Variants in CYP3A5 observed in about 807,000 individuals in gnomAD.
The protein encoded by CYP3A5 is cytochrome P450 3A5.
A neutral mutation model predicts 55.9 loss-of-function variants in CYP3A5; 51 were observed. The observed-to-expected ratio is 0.91, with a 90% CI of 0.73 to 1.15. The LOEUF is 1.15. Ranked by LOEUF, CYP3A5 falls within the 50% of genes most tolerant of loss-of-function variation. The pLI is 0.00. For synonymous variants in CYP3A5, 196 were observed against 213.9 expected, an observed-to-expected ratio of 0.92 and a Z score of 0.73; for missense variants, 533 against 596.6, an observed-to-expected ratio of 0.89 and a Z score of 1.11.
rs1808934078 is a variant in CYP3A5, at chr7:99,649,359, C to T, written c.1413+714G>A. Among the ~76,000 whole-genome samples the T allele has an allele frequency of 3.3e-5, 5 of 152,320 alleles. No individual in the cohort carries two copies. In the South Asian group the frequency reaches 1.0e-3, roughly 32 times the overall value. ...AAATACACCGGTCCTGGAAATAAGACTTATAGGCTATTGCTTAATATGAAT... is the reference window on the plus strand; with the variant it reads ...AAATACACCGGTCCTGGAAATAAGATTTATAGGCTATTGCTTAATATGAAT... On this transcript the variant is annotated intron_variant, in intron 12 of 12. Transcript: ENST00000222982.
intron 11 of CYP3A5, among the ~76,000 whole-genome samples, chr7:99,651,376 A>G (rs1351815773): frequency 6.6e-6 from 1 of 152,232 alleles, no homozygotes; most frequent in Non-Finnish European, 1.5e-5. Context: ...AGTTCCTGAC[A>G]CATGGCAAGC....
In CYP3A5 at chr7:99,670,591, G is replaced by A. The variant is rs114408598; in HGVS notation, c.318+1989C>T. Among the ~76,000 whole-genome samples, 715 of 152,258 alleles carry A rather than the reference G, an allele frequency of 4.7e-3. 2 individuals are homozygous for A. The highest frequency in any genetic ancestry group is 0.016 in the African/African-American group (682 of 41,550). Reference sequence around the variant, plus strand: ...GCAATTTTGAAATGGAATGCCTAGAGCTGCAATCTGATGTTCAACTTATAG... The same window carrying A: ...GCAATTTTGAAATGGAATGCCTAGAACTGCAATCTGATGTTCAACTTATAG... On this transcript the variant is annotated intron_variant, in intron 4 of 12. Coordinates refer to ENST00000222982, the MANE Select transcript of CYP3A5 (RefSeq NM_000777.5).
chr7:99,650,300 TCTTA>T (rs1364724582), intron 11 of CYP3A5, 68 bp from the exon 12 acceptor site: 2 of 1,507,320 alleles, frequency 1.3e-6, no homozygotes, highest in African/African-American at 2.8e-5. Flanking sequence ...TGTTAGGGGT[TCTTA>T]CTTAAGAACA....
intron 10 of CYP3A5, 34 bp downstream of exon 10, chr7:99,660,465 C>G (rs1413728684): frequency 1.9e-6 from 3 of 1,569,440 alleles, no homozygotes; most frequent in Non-Finnish European, 2.6e-6. Context: ...AAGGCTTCAC[C>G]TCTTCCCTTC....
At position 99,652,780 on chromosome 7, in the gene CYP3A5, C is replaced by G. The variant is rs767785315; in HGVS notation, c.1027-1G>C. On this transcript the variant is annotated splice_acceptor_variant, in intron 10 of 12. Transcript: ENST00000222982. LOFTEE classifies it high-confidence loss of function. The stretch of plus-strand genomic sequence containing the variant: ...CCACGGCATCATAGGTAGGTGGTGC[C>G]TGGAAGGAAAGAAACAGAATTGGAT... 6.2e-7 allele frequency: 1 copy of G among 1,611,500 alleles called. No homozygotes were observed. Among genetic ancestry groups the G allele is most frequent in the Admixed American group, 1.7e-5 (1 of 59,882 alleles).
At chr7:99,658,911 G>A (rs1223633273) in intron 10 of CYP3A5, 1 of 152,066 alleles carries the variant, frequency 6.6e-6, no homozygotes, top group Non-Finnish European at 1.5e-5. Context: ...CGTAGTTCTC[G>A]TGCCATGGTC....
chr7:99,650,269 CAT>C lies in CYP3A5; in HGVS notation c.1254-39_1254-38del, dbSNP rs750082643. The C allele has an allele frequency of 3.1e-5, 50 of 1,594,138 alleles. No individual in the cohort carries two copies. The Middle Eastern group carries it at 6.7e-4, about 21-fold the overall frequency. On this transcript the variant is annotated intron_variant, in intron 11 of 12. Coordinates refer to ENST00000222982, the MANE Select transcript of CYP3A5 (RefSeq NM_000777.5). ...TTGGTAGATTAAATAGTTAATGAAA[CAT>C]AAAAACCACAGAGTTACATGTTAGG...
At position 99,663,428 on chromosome 7, in the gene CYP3A5, G is replaced by A. The variant is rs892300216; in HGVS notation, c.798+540C>T. ...ATCCTTCGGCTGGCCTCTAGGGCTCGTGAAGGCAAAGCTGAGTTAGCCAGC... is the reference window on the plus strand; with the variant it reads ...ATCCTTCGGCTGGCCTCTAGGGCTCATGAAGGCAAAGCTGAGTTAGCCAGC... On this transcript the variant is annotated intron_variant, in intron 8 of 12. Coordinates refer to ENST00000222982, the MANE Select transcript of CYP3A5 (RefSeq NM_000777.5). 1.0e-5 allele frequency: 10 copies of A among 989,696 alleles called. No homozygotes were observed. The South Asian group carries it at 1.4e-4, about 14-fold the overall frequency. The allele number at this position is 989,696 out of a possible 1,614,324, so 61.3% of individuals were successfully genotyped here. A position where few individuals can be genotyped will look rare whatever the true frequency, so the allele number is the denominator to read the frequency against.
At chr7:99,671,005 A>G (rs1375222801) in intron 4 of CYP3A5, 1 of 152,174 alleles carries the variant, frequency 6.6e-6, no homozygotes, top group East Asian at 1.9e-4. Flanking sequence ...AACCTGTTCA[A>G]TGATTTTGAA....
At chr7:99,666,530 T>C (rs1251913000) in intron 6 of CYP3A5, 71 bp downstream of exon 6, 2 of 1,504,264 alleles carry the variant, frequency 1.3e-6, no homozygotes, top group South Asian at 1.1e-5. Context: ...ACAGTGCGAC[T>C]GTCGACTCCA....
At chr7:99,663,475 G>T in intron 8 of CYP3A5, 6 of 990,092 alleles carry the variant, frequency 6.1e-6, no homozygotes, top group Non-Finnish European at 7.2e-6. Flanking sequence ...AATTCTCAGA[G>T]AAGACCCCTG....
At chr7:99,656,879 A>G (rs552590298) in intron 10 of CYP3A5, among the ~76,000 whole-genome samples, 14 of 152,246 alleles carry the variant, frequency 9.2e-5, no homozygotes, top group East Asian at 5.8e-4. Context: ...AGAGGTGTTT[A>G]TAGTATTCTC....
chr7:99,649,020 G>T (rs1203577841), intron 12 of CYP3A5, among the ~76,000 whole-genome samples: 1 of 152,164 alleles, frequency 6.6e-6, no homozygotes, highest in Non-Finnish European at 1.5e-5. Context: ...TAGCACTATT[G>T]TCACTGAGTC....
At chr7:99,650,591 T>G (rs963167864) in intron 11 of CYP3A5, among the ~76,000 whole-genome samples, 3 of 152,168 alleles carry the variant, frequency 2.0e-5, no homozygotes, top group African/African-American at 7.2e-5. Context: ...CTGCCTCAAC[T>G]CACACTTGTG....
At chr7:99,667,337 G>A (rs888449647) in intron 4 of CYP3A5, among the ~76,000 whole-genome samples, 3 of 152,294 alleles carry the variant, frequency 2.0e-5, no homozygotes, top group East Asian at 3.9e-4. Flanking sequence ...AATGCTCCAC[G>A]TGGTAGGGAA....
chr7:99,679,631 A>T (rs1204159783), intron 1 of CYP3A5, among the ~76,000 whole-genome samples, 195 bp downstream of exon 1: 1 of 152,180 alleles, frequency 6.6e-6, no homozygotes, highest in Non-Finnish European at 1.5e-5. Context: ...TAGAAGGTGG[A>T]TGGGAGAAAT....
At chr7:99,657,198 C>G (rs1289719955) in intron 10 of CYP3A5, among the ~76,000 whole-genome samples, 1 of 152,130 alleles carries the variant, frequency 6.6e-6, no homozygotes, top group Non-Finnish European at 1.5e-5. Context: ...TAGATCTTTC[C>G]TGCTTTCTCT....
intron 8 of CYP3A5, 63 bp downstream of exon 8, chr7:99,663,905 T>G: frequency 6.5e-7 from 1 of 1,528,428 alleles, no homozygotes; most frequent in Non-Finnish European, 8.7e-7. Flanking sequence ...TGCTCTATCA[T>G]GTGTATAAAA....
In CYP3A5 at chr7:99,665,316, T is replaced by C. The variant is rs1355793763; in HGVS notation, c.522-2A>G. On this transcript the variant is annotated splice_acceptor_variant, in intron 6 of 12. Transcript: ENST00000222982. LOFTEE classifies it high-confidence loss of function. ...TCCATGCTGTAGGCCCCAAAGATGCTGAGTGGAGAAAGATATGGAAAATTA... is the reference window on the plus strand; with the variant it reads ...TCCATGCTGTAGGCCCCAAAGATGCCGAGTGGAGAAAGATATGGAAAATTA... The C allele has an allele frequency of 1.2e-6, 2 of 1,614,132 alleles. No individual in the cohort carries two copies. The highest frequency in any genetic ancestry group is 1.7e-5 in the Admixed American group (1 of 60,022).
Sources: gnomAD v4.1 joint callset for allele counts (sites outside exome capture counted in the v4.1 genomes callset) on GRCh38, gnomAD v4.1.1 for gene constraint, MANE v1.5 for transcripts, NCBI Gene and HGNC (gene_info 2026-07-23, HGNC 2026-07-21) for gene names.